The following CAMK2B variants were observed in gnomAD, a reference collection of about 807,000 sequenced individuals.
CAMK2B encodes the protein calcium/calmodulin dependent protein kinase II beta, also known as calcium/calmodulin-dependent protein kinase type II subunit beta.
In CAMK2B, 27 loss-of-function variants were observed where a neutral mutation model predicts 93.7. The observed-to-expected ratio is 0.29, with a 90% CI of 0.21 to 0.40. The LOEUF is 0.40. Among genes scored for constraint, CAMK2B ranks in the 10% least tolerant of loss-of-function variants. CAMK2B has a pLI of 1.00. For missense variants in CAMK2B, 568 were observed against 895.8 expected (o/e 0.63, Z 4.67); for synonymous variants, 374 against 358.8 (o/e 1.04, Z -0.48).
At chr7:44,303,218 G>C (rs1790573479) in intron 1 of CAMK2B, among the ~76,000 whole-genome samples, 1 of 152,080 alleles carries the variant, frequency 6.6e-6, no homozygotes, top group Non-Finnish European at 1.5e-5. Flanking sequence ...ATCTATATGA[G>C]GACATTTACA....
chr7:44,296,128 A>G (rs1385396044), intron 1 of CAMK2B, among the ~76,000 whole-genome samples: 1 of 152,248 alleles, frequency 6.6e-6, no homozygotes, highest in African/African-American at 2.4e-5. Flanking sequence ...CACCAGAACC[A>G]GACTCAGATA....
chr7:44,242,412 G>A, intron 9 of CAMK2B, 72 bp from the exon 10 acceptor site: 1 of 1,572,384 alleles, frequency 6.4e-7, no homozygotes, highest in Non-Finnish European at 8.7e-7. Flanking sequence ...TCTCCAAGGG[G>A]CTTCATCTCC....
At chr7:44,259,035 C>T (rs2096857453) in intron 3 of CAMK2B, 109 bp from the exon 4 acceptor site, 8 of 1,002,620 alleles carry the variant, frequency 8.0e-6, no homozygotes, top group Non-Finnish European at 1.2e-5. Context: ...CCTAGGGCTG[C>T]CCAGAGGATC....
chr7:44,220,182 G>A lies in CAMK2B; in HGVS notation c.1881C>T (p.Asp627=), dbSNP rs1463275169. 8.1e-6 allele frequency: 13 copies of A among 1,612,832 alleles called. No individual in the cohort carries two copies. Among genetic ancestry groups the A allele is most frequent in the Admixed American group, 3.3e-5 (2 of 60,012 alleles). The change falls in exon 23 of 24, where the codon GAC becomes GAT. Residue 627 remains aspartate, a synonymous_variant. Coordinates refer to ENST00000395749, the MANE Select transcript of CAMK2B (RefSeq NM_001220.5). ...IAYIRLTQYI[D]GQGRPRTSQS... ...GGCTGGTGCGGGGCCGGCCCTGCCC[G>A]TCAATGTACTGCGTGAGCCGGATGT...
At chr7:44,290,715 T>A (rs2129138080) in intron 1 of CAMK2B, among the ~76,000 whole-genome samples, 1 of 152,344 alleles carries the variant, frequency 6.6e-6, no homozygotes, top group Non-Finnish European at 1.5e-5. Flanking sequence ...GGGGAGGTCT[T>A]TTATATTCTA....
In CAMK2B at chr7:44,247,123, G is replaced by A. The variant is rs200895249; in HGVS notation, c.411C>T (p.Leu137=). Residue 137 remains leucine, a synonymous_variant, in exon 6 of 24, where the codon CTC becomes CTT. Transcript: ENST00000395749. ...CHQMGVVHRD[L]KPENLLLASK... ...ACAGAGTGGGGTGGGGACTCACCTT[G>A]AGGTCTCTGTGGACGACCCCCATTT... 5 of 1,613,144 alleles carry A rather than the reference G, an allele frequency of 3.1e-6. No individual in the cohort carries two copies. In the East Asian group the frequency reaches 1.1e-4, roughly 36 times the overall value.
chr7:44,243,684 G>A (rs1008193954), intron 6 of CAMK2B, among the ~76,000 whole-genome samples, 157 bp from the exon 7 acceptor site: 3 of 152,086 alleles, frequency 2.0e-5, no homozygotes, highest in Non-Finnish European at 4.4e-5. Context: ...GGGCATGGCT[G>A]AGCCTTCACC....
At chr7:44,277,529 ACCAAGGC>A (rs759469026) in intron 2 of CAMK2B, among the ~76,000 whole-genome samples, 56 of 152,102 alleles carry the variant, frequency 3.7e-4, no homozygotes, top group Non-Finnish European at 4.0e-4. Context: ...GCCTTGAAGG[ACCAAGGC>A]CGCCCTGCTC....
chr7:44,241,624 C>G (rs73691438), intron 11 of CAMK2B, 76 bp downstream of exon 11: 2 of 1,207,850 alleles, frequency 1.7e-6, no homozygotes, highest in Non-Finnish European at 2.4e-6. Context: ...CCCAGACCCC[C>G]CAAGGCCCCC....
At chr7:44,278,060 C>T (rs2097065390) in intron 2 of CAMK2B, among the ~76,000 whole-genome samples, 1 of 152,212 alleles carries the variant, frequency 6.6e-6, no homozygotes, top group Admixed American at 6.5e-5. Flanking sequence ...CATCTGCCCT[C>T]AAGGAGCACA....
At chr7:44,239,547 G>A in intron 13 of CAMK2B, 42 bp downstream of exon 13, 1 of 1,502,242 alleles carries the variant, frequency 6.7e-7, no homozygotes. Context: ...TGGCAGGAGG[G>A]ACGGGCGGGA....
intron 1 of CAMK2B, among the ~76,000 whole-genome samples, chr7:44,287,552 A>C (rs941920523): frequency 6.6e-6 from 1 of 152,068 alleles, no homozygotes; most frequent in Non-Finnish European, 1.5e-5. Context: ...AGTGGCCACA[A>C]ACATGTTTAG....
chr7:44,312,087 G>A lies in CAMK2B; in HGVS notation c.65+13270C>T, dbSNP rs1460805581. ...GATGCCCCCATGGGTGACCAAGGCT[G>A]GGAAGAGCCCCACATTTACCCCAGG... On this transcript the variant is annotated intron_variant, in intron 1 of 23. Transcript: ENST00000395749. The surrounding 1 kb of genome is among the most constrained non-coding windows in gnomAD (Gnocchi z 4.1). Among the ~76,000 whole-genome samples the A allele has an allele frequency of 6.6e-6, 1 of 152,186 alleles. No individual in the cohort carries two copies. The highest frequency in any genetic ancestry group is 1.5e-5 in the Non-Finnish European group (1 of 68,020).
At chr7:44,297,060 C>CA (rs1443850433) in intron 1 of CAMK2B, among the ~76,000 whole-genome samples, 2 of 151,952 alleles carry the variant, frequency 1.3e-5, no homozygotes, top group African/African-American at 4.8e-5. Context: ...ACAATTTGTT[C>CA]AAAATAATGA....
chr7:44,239,519 C>A, intron 13 of CAMK2B, 70 bp downstream of exon 13: 1 of 1,396,214 alleles, frequency 7.2e-7, no homozygotes, highest in Non-Finnish European at 9.8e-7. Context: ...CGGCTGCGTG[C>A]AGCAGGGGGC....
intron 1 of CAMK2B, 94 bp downstream of exon 1, chr7:44,325,263 C>T (rs111242776): frequency 1.5e-5 from 10 of 658,274 alleles, no homozygotes; most frequent in African/African-American, 2.0e-5. Context: ...GGCGCGCGGG[C>T]CCGCAGTGCG....
intron 5 of CAMK2B, among the ~76,000 whole-genome samples, chr7:44,253,901 G>GTTTT (rs58844378): frequency 6.4e-5 from 9 of 139,776 alleles, no homozygotes; most frequent in African/African-American, 2.1e-4. Context: ...CCTGGCCTCA[G>GTTTT]TTTTTTTTTT....
chr7:44,235,234 T>A (rs1472565585), intron 13 of CAMK2B, among the ~76,000 whole-genome samples: 1 of 152,216 alleles, frequency 6.6e-6, no homozygotes. Context: ...TCTGTCCCAT[T>A]GGCTCCTTGG....
intron 2 of CAMK2B, among the ~76,000 whole-genome samples, chr7:44,266,500 C>CATAA (rs1194205919): frequency 6.6e-6 from 1 of 152,254 alleles, no homozygotes; most frequent in Non-Finnish European, 1.5e-5. Flanking sequence ...CCAGCTCGGT[C>CATAA]TTATTCCCTG....
Sources: allele counts gnomAD v4.1 joint callset (sites outside exome capture counted in the v4.1 genomes callset), GRCh38; gene constraint gnomAD v4.1.1; non-coding constraint Gnocchi (gnomAD v3.1); transcripts MANE v1.5; gene names NCBI Gene and HGNC (gene_info 2026-07-23, HGNC 2026-07-21).